GRIK2: variants seen among roughly 807,000 people sequenced by gnomAD.
GRIK2 encodes the protein glutamate receptor ionotropic, kainate 2.
GRIK2 carries 32 observed loss-of-function variants against 100.3 expected under a neutral mutation model. That is an observed-to-expected ratio of 0.32 (90% CI 0.24 to 0.43). The LOEUF (loss-of-function observed/expected upper bound fraction) is 0.43, where lower values mean the gene tolerates loss of function less well. Among genes scored for constraint, GRIK2 ranks in the 20% least tolerant of loss-of-function variants. The probability of loss-of-function intolerance (pLI) is 1.00; values close to 1 mark genes in which losing one functional copy is unlikely to be tolerated. For synonymous variants in GRIK2, 417 were observed against 389.4 expected (o/e 1.07, Z -0.83); for missense variants, 843 against 1,114.9 (o/e 0.76, Z 3.47).
chr6:101,448,332 A>G (rs1175494170), intron 2 of GRIK2, among the ~76,000 whole-genome samples: 3 of 151,682 alleles, frequency 2.0e-5, no homozygotes, highest in African/African-American at 7.2e-5. Context: ...TATATTTTGC[A>G]AGTACATTTA....
chr6:101,601,116 T>C (rs1779189680), intron 2 of GRIK2, among the ~76,000 whole-genome samples: 1 of 106,092 alleles, frequency 9.4e-6, no homozygotes, highest in African/African-American at 3.8e-5. Flanking sequence ...GCCTAGTTTG[T>C]TGAGTTTTTT....
At chr6:101,498,738 G>T (rs897332837) in intron 2 of GRIK2, among the ~76,000 whole-genome samples, 2 of 151,834 alleles carry the variant, frequency 1.3e-5, no homozygotes, top group Non-Finnish European at 2.9e-5. Context: ...TTGTAAATTT[G>T]TTTGAGTTCA....
intron 14 of GRIK2, among the ~76,000 whole-genome samples, chr6:101,966,964 G>A (rs1189094162): frequency 1.3e-5 from 2 of 151,942 alleles, no homozygotes; most frequent in Admixed American, 1.3e-4. Context: ...TTCATGATAA[G>A]TAACTCAATG....
chr6:101,620,435 A>G (rs1562265244), intron 2 of GRIK2, among the ~76,000 whole-genome samples: 1 of 152,202 alleles, frequency 6.6e-6, no homozygotes, highest in Non-Finnish European at 1.5e-5. Context: ...TGAATATGGT[A>G]TCAAATAATA....
At position 101,983,107 on chromosome 6, in the gene GRIK2, G is replaced by A. The variant is rs913737335; in HGVS notation, c.2086-52234G>A. ...AATAAATGGCCACCTTATTATCAAC[G>A]AGCTTGAACTTTCAATTGATTTAAT... On this transcript the variant is annotated intron_variant, in intron 14 of 16. Transcript: ENST00000369134. 2.6e-5 allele frequency among the ~76,000 whole-genome samples: 4 copies of A among 151,612 alleles called. No individual in the cohort carries two copies. In the South Asian group the frequency reaches 6.2e-4, roughly 24 times the overall value.
At chr6:102,005,728 T>TTTTA (rs1283469672) in intron 14 of GRIK2, among the ~76,000 whole-genome samples, 1 of 152,152 alleles carries the variant, frequency 6.6e-6, no homozygotes, top group Non-Finnish European at 1.5e-5. Context: ...TGAAAATATA[T>TTTTA]TTTATTTCTT....
chr6:101,882,951 A>T (rs1049254026), intron 11 of GRIK2, among the ~76,000 whole-genome samples: 4 of 152,108 alleles, frequency 2.6e-5, no homozygotes, highest in African/African-American at 9.7e-5. Context: ...TTTAGCAGTT[A>T]TTGACTATTA....
chr6:101,572,249 G>C (rs1001981435), intron 2 of GRIK2, among the ~76,000 whole-genome samples: 1 of 151,942 alleles, frequency 6.6e-6, no homozygotes, highest in African/African-American at 2.4e-5. Context: ...TCTTTCTAAT[G>C]CCTTTTTATG....
intron 7 of GRIK2, among the ~76,000 whole-genome samples, chr6:101,711,514 C>T (rs1773694624): frequency 6.6e-6 from 1 of 151,686 alleles, no homozygotes. Context: ...TAATGCAATA[C>T]TTCGTATTAA....
At chr6:101,513,212 C>A (rs575179539) in intron 2 of GRIK2, among the ~76,000 whole-genome samples, 20 of 152,130 alleles carry the variant, frequency 1.3e-4, no homozygotes, top group Admixed American at 2.6e-4. Context: ...AAAGGCGGAA[C>A]AACTCAAAGG....
intron 9 of GRIK2, among the ~76,000 whole-genome samples, chr6:101,815,554 G>A (rs1409471963): frequency 6.6e-6 from 1 of 151,182 alleles, no homozygotes; most frequent in Non-Finnish European, 1.5e-5. Flanking sequence ...AGGATGTAGA[G>A]TCACCATATA....
intron 4 of GRIK2, among the ~76,000 whole-genome samples, chr6:101,651,962 C>A (rs1180480318): frequency 6.6e-6 from 1 of 151,932 alleles, no homozygotes; most frequent in Non-Finnish European, 1.5e-5. Context: ...ATGTGGGGTA[C>A]CCTGAAAGTC....
chr6:101,716,235 AAG>A (rs947119779), intron 7 of GRIK2, among the ~76,000 whole-genome samples: 4 of 151,732 alleles, frequency 2.6e-5, no homozygotes, highest in Non-Finnish European at 5.9e-5. Flanking sequence ...TCAAAGGGAA[AAG>A]GGGAAATCTG....
chr6:101,752,696 G>A (rs909151119), intron 7 of GRIK2, among the ~76,000 whole-genome samples: 4 of 152,080 alleles, frequency 2.6e-5, no homozygotes, highest in South Asian at 2.1e-4. Context: ...AGTCATTTGC[G>A]TTATTCCAAA....
At chr6:101,936,280 A>G (rs958086846) in intron 14 of GRIK2, among the ~76,000 whole-genome samples, 1 of 151,922 alleles carries the variant, frequency 6.6e-6, no homozygotes, top group African/African-American at 2.4e-5. Flanking sequence ...TAGTCATATA[A>G]TTTTCCTAAC....
intron 14 of GRIK2, among the ~76,000 whole-genome samples, chr6:101,998,305 G>A (rs1294122314): frequency 6.6e-6 from 1 of 152,104 alleles, no homozygotes; most frequent in South Asian, 2.1e-4. Context: ...TGTAACAGCA[G>A]ATAAAGGAAC....
intron 2 of GRIK2, among the ~76,000 whole-genome samples, chr6:101,418,889 G>A (rs1216330342): frequency 3.9e-5 from 6 of 152,126 alleles, no homozygotes; most frequent in Non-Finnish European, 7.3e-5. Flanking sequence ...AGCCCCAGTA[G>A]CAGGGTCACT....
At chr6:101,928,349 C>A (rs1372057079) in intron 13 of GRIK2, 66 bp from the exon 14 acceptor site, 2 of 851,676 alleles carry the variant, frequency 2.3e-6, no homozygotes, top group East Asian at 2.4e-5. Context: ...GCCACTGTGA[C>A]AAAAAGTATC....
chr6:101,394,400 T>G (rs1045925010), intron 1 of GRIK2, among the ~76,000 whole-genome samples: 1 of 152,346 alleles, frequency 6.6e-6, no homozygotes, highest in Middle Eastern at 3.4e-3. Context: ...CCTCAAGAAC[T>G]TTTAACGAAC....
Sources: allele counts gnomAD v4.1 joint callset (sites outside exome capture counted in the v4.1 genomes callset), GRCh38; gene constraint gnomAD v4.1.1; transcripts MANE v1.5; gene names NCBI Gene and HGNC (gene_info 2026-07-23, HGNC 2026-07-21).